Variants in CCNH observed in about 807,000 individuals in gnomAD.
CCNH encodes cyclin H.
A neutral mutation model predicts 41.9 loss-of-function variants in CCNH; 31 were observed. The observed-to-expected ratio is 0.74, with a 90% CI of 0.56 to 1.00. The LOEUF is 1.00. Ranked by LOEUF, CCNH falls within the 50% of genes least tolerant of loss-of-function variation. CCNH has a pLI of 0.00. For synonymous variants in CCNH, 138 were observed against 136.1 expected (o/e 1.01, Z -0.10); for missense variants, 362 against 388.4 (o/e 0.93, Z 0.57).
chr5:87,331,633 G>A, intron 9 of CCNH: 3 of 1,019,576 alleles, frequency 2.9e-6, no homozygotes, highest in South Asian at 2.9e-5. Flanking sequence ...TCAGTCAAAT[G>A]ATTTAATCAG....
downstream of CCNH, among the ~76,000 whole-genome samples, chr5:87,317,546 A>G (rs1425332574): frequency 6.6e-6 from 1 of 151,712 alleles, no homozygotes; most frequent in African/African-American, 2.4e-5. Flanking sequence ...CTATGATTGT[A>G]GACATTGTGT....
downstream of CCNH, among the ~76,000 whole-genome samples, chr5:87,387,245 C>T (rs555204464): frequency 2.6e-5 from 4 of 152,106 alleles, no homozygotes; most frequent in East Asian, 7.7e-4. Flanking sequence ...TACTTTGCTG[C>T]TACTATGTGG....
At chr5:87,319,008 G>C (rs754540923) in intron 9 of CCNH, 1 of 152,442 alleles carries the variant, frequency 6.6e-6, no homozygotes, top group East Asian at 1.9e-4. Context: ...TGGGCTACAG[G>C]CCCCATGCAA....
intron 9 of CCNH, among the ~76,000 whole-genome samples, chr5:87,340,064 C>G (rs1448326338): frequency 6.6e-6 from 1 of 152,130 alleles, no homozygotes. Context: ...TGATGTATTA[C>G]CATTGCCTAG....
downstream of CCNH, chr5:87,389,244 T>C (rs996607703): frequency 9.9e-5 from 89 of 901,556 alleles, no homozygotes; most frequent in Non-Finnish European, 1.4e-4. Context: ...GGCAGGAGAA[T>C]CGCTTGAACC....
At chr5:87,358,283 G>A (rs1759803801) in intron 9 of CCNH, among the ~76,000 whole-genome samples, 1 of 152,086 alleles carries the variant, frequency 6.6e-6, no homozygotes, top group South Asian at 2.1e-4. Flanking sequence ...TAATAAAAAT[G>A]CCTTACATTT....
chr5:87,325,728 T>C (rs1757182786), intron 9 of CCNH, among the ~76,000 whole-genome samples: 2 of 152,332 alleles, frequency 1.3e-5, no homozygotes, highest in East Asian at 1.9e-4. Context: ...AGGAACTCTA[T>C]TGATGTTAGC....
intron 9 of CCNH, among the ~76,000 whole-genome samples, chr5:87,330,008 T>C (rs1286107587): frequency 6.6e-6 from 1 of 152,144 alleles, no homozygotes. Flanking sequence ...GATTAGGATT[T>C]TAGAGGAATG....
chr5:87,315,977 TTTA>T (rs1423889439), downstream of CCNH, among the ~76,000 whole-genome samples: 2 of 152,230 alleles, frequency 1.3e-5, no homozygotes, highest in Non-Finnish European at 2.9e-5. Flanking sequence ...TGTAATTCAA[TTTA>T]TTAGTAATTT....
intron 9 of CCNH, chr5:87,331,514 C>A: frequency 6.2e-7 from 1 of 1,612,594 alleles, no homozygotes; most frequent in South Asian, 1.1e-5. Flanking sequence ...AGTCTTTATT[C>A]CTATTATGAA....
intron 7 of CCNH, among the ~76,000 whole-genome samples, 177 bp downstream of exon 7, chr5:87,399,217 C>T (rs1235115685): frequency 6.6e-6 from 1 of 152,184 alleles, no homozygotes; most frequent in Non-Finnish European, 1.5e-5. Flanking sequence ...CAGAACTGCA[C>T]AGTGAATGCC....
At chr5:87,377,865 A>G (rs955048363), upstream of CCNH, among the ~76,000 whole-genome samples, 2 of 152,132 alleles carry the variant, frequency 1.3e-5, no homozygotes, top group African/African-American at 2.4e-5. Context: ...CAAAATATAG[A>G]TTTGTCAAGG....
intron 9 of CCNH, chr5:87,362,472 T>C (rs1760178548): frequency 1.4e-6 from 2 of 1,440,494 alleles, no homozygotes; most frequent in Non-Finnish European, 1.9e-6. Context: ...GCTTTGGCTT[T>C]TAATTGGTAC....
chr5:87,394,699 G>GCC, intron 8 of CCNH: 1 of 1,338,318 alleles, frequency 7.5e-7, no homozygotes, highest in South Asian at 2.3e-5. Context: ...GTGACCTTTT[G>GCC]CCTCTGATTA....
downstream of CCNH, among the ~76,000 whole-genome samples, chr5:87,373,197 A>G (rs3827609): frequency 0.07 from 10,709 of 152,192 alleles, 851 homozygotes; most frequent in African/African-American, 0.2. Flanking sequence ...ATATACTGTC[A>G]GCCCTTTCTA....
intron 9 of CCNH, among the ~76,000 whole-genome samples, chr5:87,356,977 G>A (rs138008251): frequency 0.011 from 1,730 of 152,148 alleles, 15 homozygotes; most frequent in Middle Eastern, 0.027. Context: ...CCTGACATTA[G>A]ATATTCAATA....
rs1760838138 is a variant in CCNH, at chr5:87,370,366, TTTAGA to T, written c.*90+22399_*90+22403del. Among the ~76,000 whole-genome samples the T allele has an allele frequency of 2.0e-5, 3 of 152,226 alleles. No individual in the cohort carries two copies. In the South Asian group the frequency reaches 6.2e-4, roughly 31 times the overall value. On this transcript the variant is annotated intron_variant and NMD_transcript_variant, in intron 9 of 9. Transcript: ENST00000645953. ...AGCCAAGTCGAGATATAATGTCTAC[TTTAGA>T]TTAGCTATTAATCCATGTGCAGTGT...
intron 9 of CCNH, among the ~76,000 whole-genome samples, chr5:87,360,513 A>C (rs899751613): frequency 3.3e-5 from 5 of 152,204 alleles, no homozygotes; most frequent in African/African-American, 1.2e-4. Context: ...ATTTTAAAAC[A>C]CCAGTTAACA....
downstream of CCNH, among the ~76,000 whole-genome samples, chr5:87,389,737 CTT>C (rs531072686): frequency 2.0e-4 from 31 of 152,310 alleles, no homozygotes; most frequent in South Asian, 4.8e-3. Context: ...AGGTTTTGCT[CTT>C]GAGTCTGAAT....
Sources: gnomAD v4.1 joint callset for allele counts (sites outside exome capture counted in the v4.1 genomes callset) on GRCh38, gnomAD v4.1.1 for gene constraint, MANE v1.5 for transcripts, NCBI Gene and HGNC (gene_info 2026-07-23, HGNC 2026-07-21) for gene names.